The following NELL1 variants were observed in gnomAD, a reference collection of about 807,000 sequenced individuals.
NELL1 encodes the protein neural EGFL like 1.
A neutral mutation model predicts 107.4 loss-of-function variants in NELL1; 76 were observed. That is an observed-to-expected ratio of 0.71 (90% CI 0.59 to 0.86). The LOEUF is 0.86. Among genes scored for constraint, NELL1 ranks in the 40% least tolerant of loss-of-function variants. NELL1 has a pLI of 0.00. For missense variants in NELL1, 1,024 were observed against 1,005.5 expected, an observed-to-expected ratio of 1.02 and a Z score of -0.25; for synonymous variants, 353 against 341.2, an observed-to-expected ratio of 1.03 and a Z score of -0.38.
intron 12 of NELL1, among the ~76,000 whole-genome samples, chr11:20,992,580 C>T (rs10766758): frequency 0.22 from 33,258 of 152,010 alleles, 4,039 homozygotes; most frequent in Middle Eastern, 0.41. Context: ...CCTTCTCTGG[C>T]CTTGAATGGG....
chr11:20,730,809 G>C (rs994941105), intron 2 of NELL1, among the ~76,000 whole-genome samples: 2 of 152,178 alleles, frequency 1.3e-5, no homozygotes, highest in Non-Finnish European at 2.9e-5. Context: ...ATGGCAGGCA[G>C]TTTTCCCTGA....
intron 14 of NELL1, among the ~76,000 whole-genome samples, chr11:21,232,157 A>ATATAT (rs1284072980): frequency 2.0e-4 from 10 of 51,038 alleles, no homozygotes; most frequent in African/African-American, 8.2e-4. Flanking sequence ...TAAAAAAAAA[A>ATATAT]AAATATATAT....
intron 12 of NELL1, among the ~76,000 whole-genome samples, chr11:21,021,217 C>T (rs1852693106): frequency 6.6e-6 from 1 of 151,638 alleles, no homozygotes; most frequent in Non-Finnish European, 1.5e-5. Context: ...CAGCCAGTCT[C>T]CTGAGCCAAG....
At chr11:20,773,323 C>G (rs1856676910) in intron 2 of NELL1, among the ~76,000 whole-genome samples, 1 of 152,098 alleles carries the variant, frequency 6.6e-6, no homozygotes, top group Non-Finnish European at 1.5e-5. Flanking sequence ...TCATGTGCTG[C>G]TTATGTGGAA....
At chr11:21,433,182 C>T (rs1026750193) in intron 15 of NELL1, among the ~76,000 whole-genome samples, 9 of 152,104 alleles carry the variant, frequency 5.9e-5, no homozygotes, top group Non-Finnish European at 7.4e-5. Context: ...ATTCTCTAGG[C>T]TCATCCATAT....
intron 1 of NELL1, among the ~76,000 whole-genome samples, chr11:20,672,181 G>T (rs1332699432): frequency 6.6e-6 from 1 of 152,214 alleles, no homozygotes; most frequent in African/African-American, 2.4e-5. Flanking sequence ...TCTGGAGGCA[G>T]CCCTCTGATT....
rs1049770280 is a variant in NELL1, at chr11:20,951,256, A to G, written c.1171+3821A>G. On this transcript the variant is annotated intron_variant, in intron 11 of 19. Transcript: ENST00000357134. Reference sequence around the variant, plus strand: ...GTTAAAACCCATTTTTCTGAGTTATAACTTATTTCCTCAAGTTATAGCTTG... The same window carrying G: ...GTTAAAACCCATTTTTCTGAGTTATGACTTATTTCCTCAAGTTATAGCTTG... Among the ~76,000 whole-genome samples the G allele has an allele frequency of 1.6e-4, 24 of 152,214 alleles. 1 individual carries two copies. The highest frequency in any genetic ancestry group is 1.5e-5 in the Non-Finnish European group (1 of 68,038).
At chr11:21,252,622 C>T (rs1629381) in intron 14 of NELL1, among the ~76,000 whole-genome samples, 138,969 of 152,206 alleles carry the variant, frequency 0.91, 63,516 homozygotes, top group Non-Finnish European at 0.93. Context: ...TATCAAGTCC[C>T]TCTGTAATGA....
Position 20,898,926 on chromosome 11 carries a change from A to G in NELL1, c.603+13386A>G, listed in dbSNP as rs374607353. Among the ~76,000 whole-genome samples the G allele has an allele frequency of 1.4e-4, 22 of 152,208 alleles. No individual in the cohort carries two copies. In the South Asian group the frequency reaches 4.1e-3, roughly 29 times the overall value. On this transcript the variant is annotated intron_variant, in intron 5 of 19. Transcript: ENST00000357134. ...GTGTTTATGTCAAGTTAATTCATCAATATGTACTTTTATGATTTGTGTAAC... is the reference window on the plus strand; with the variant it reads ...GTGTTTATGTCAAGTTAATTCATCAGTATGTACTTTTATGATTTGTGTAAC...
intron 4 of NELL1, among the ~76,000 whole-genome samples, chr11:20,875,550 G>A (rs1295917677): frequency 1.3e-5 from 2 of 152,088 alleles, no homozygotes; most frequent in Non-Finnish European, 2.9e-5. Context: ...CATGTATCCC[G>A]TGGATATATA....
At chr11:20,742,502 G>A (rs1163591834) in intron 2 of NELL1, among the ~76,000 whole-genome samples, 1 of 152,044 alleles carries the variant, frequency 6.6e-6, no homozygotes, top group African/African-American at 2.4e-5. Flanking sequence ...TCTGAGACTG[G>A]GTAATTTATA....
In NELL1 at chr11:20,847,628, T is replaced by C; in HGVS notation, c.381T>C (p.Tyr127=). 1 of 1,613,848 alleles carries C rather than the reference T, an allele frequency of 6.2e-7. No individual in the cohort carries two copies. The highest frequency in any genetic ancestry group is 8.5e-7 in the Non-Finnish European group (1 of 1,179,844). ...GTGGCCTGAGGGATGAGATTCGGTATCACTACATACACAATGGGAAGCCAA... is the reference window on the plus strand; with the variant it reads ...GTGGCCTGAGGGATGAGATTCGGTACCACTACATACACAATGGGAAGCCAA... ...ESSGLRDEIR[Y]HYIHNGKPRT... Residue 127 remains tyrosine, a synonymous_variant, in exon 4 of 20, where the codon TAT becomes TAC. Coordinates refer to ENST00000357134, the MANE Select transcript of NELL1 (RefSeq NM_006157.5).
chr11:21,397,972 A>C (rs1852017557), intron 15 of NELL1, among the ~76,000 whole-genome samples: 3 of 151,532 alleles, frequency 2.0e-5, no homozygotes, highest in Non-Finnish European at 4.4e-5. Flanking sequence ...ATTGTGAGAA[A>C]TAAGCTACCT....
intron 4 of NELL1, among the ~76,000 whole-genome samples, chr11:20,853,927 G>A (rs752511439): frequency 1.3e-5 from 2 of 152,244 alleles, no homozygotes; most frequent in South Asian, 2.1e-4. Flanking sequence ...CTCCTCCTGT[G>A]TAAGATTTTT....
intron 13 of NELL1, among the ~76,000 whole-genome samples, chr11:21,155,125 C>A (rs1226181798): frequency 6.6e-6 from 1 of 152,066 alleles, no homozygotes; most frequent in Non-Finnish European, 1.5e-5. Context: ...GATTTGGGAG[C>A]ATATGTGTGA....
At chr11:21,300,521 C>A (rs538247919) in intron 14 of NELL1, among the ~76,000 whole-genome samples, 185 of 151,848 alleles carry the variant, frequency 1.2e-3, no homozygotes, top group African/African-American at 4.1e-3. Context: ...GGATGAGGGA[C>A]CATCATTGGA....
At chr11:21,031,713 T>C (rs1852960895) in intron 12 of NELL1, among the ~76,000 whole-genome samples, 1 of 152,184 alleles carries the variant, frequency 6.6e-6, no homozygotes, top group Non-Finnish European at 1.5e-5. Context: ...TTTGTTTTAA[T>C]TTATTATAAA....
intron 13 of NELL1, among the ~76,000 whole-genome samples, chr11:21,201,471 G>C (rs1857268353): frequency 6.6e-6 from 1 of 152,108 alleles, no homozygotes; most frequent in Non-Finnish European, 1.5e-5. Flanking sequence ...TTTGCACATT[G>C]ATTTTATATT....
intron 15 of NELL1, among the ~76,000 whole-genome samples, chr11:21,449,399 A>G (rs955462144): frequency 1.3e-5 from 2 of 152,162 alleles, no homozygotes; most frequent in Non-Finnish European, 2.9e-5. Context: ...TCTCATTGTT[A>G]TAAAAATGGA....
Sources: allele counts gnomAD v4.1 joint callset (sites outside exome capture counted in the v4.1 genomes callset), GRCh38; gene constraint gnomAD v4.1.1; transcripts MANE v1.5; gene names NCBI Gene and HGNC (gene_info 2026-07-23, HGNC 2026-07-21).